Variants in CNTN5 observed in about 807,000 individuals in gnomAD.
CNTN5 encodes contactin 5.
In CNTN5, 77 loss-of-function variants were observed where a neutral mutation model predicts 129.1. That is an observed-to-expected ratio of 0.60 (90% CI 0.50 to 0.72). The LOEUF (loss-of-function observed/expected upper bound fraction) is 0.72. CNTN5 is among the 30% of genes least tolerant of loss of function. The probability of loss-of-function intolerance (pLI) is 0.00; values close to 1 mark genes in which losing one functional copy is unlikely to be tolerated. For synonymous variants in CNTN5, 509 were observed against 465.6 expected (o/e 1.09, Z -1.20); for missense variants, 1,478 against 1,328.8 (o/e 1.11, Z -1.75).
At chr11:100,276,887 C>A (rs1465573399) in intron 18 of CNTN5, among the ~76,000 whole-genome samples, 1 of 151,804 alleles carries the variant, frequency 6.6e-6, no homozygotes, top group Non-Finnish European at 1.5e-5. Flanking sequence ...CCCTGTTATG[C>A]TAGCAAATAC....
intron 6 of CNTN5, among the ~76,000 whole-genome samples, chr11:99,915,048 C>G (rs954883245): frequency 2.0e-4 from 31 of 152,038 alleles, no homozygotes; most frequent in African/African-American, 6.7e-4. Flanking sequence ...TTTTAAAAAT[C>G]TATTTTACAA....
chr11:100,295,005 C>T (rs994410041), intron 18 of CNTN5, among the ~76,000 whole-genome samples: 3 of 151,570 alleles, frequency 2.0e-5, no homozygotes, highest in Admixed American at 1.3e-4. Context: ...CAAAACACTG[C>T]GTGAGCTGCA....
chr11:99,680,515 C>T (rs1953502492), intron 3 of CNTN5, among the ~76,000 whole-genome samples: 2 of 152,108 alleles, frequency 1.3e-5, no homozygotes, highest in Admixed American at 1.3e-4. Flanking sequence ...TATTTTAAGC[C>T]CACTGTCGAG....
chr11:99,878,329 T>C (rs1948686306), intron 6 of CNTN5, among the ~76,000 whole-genome samples: 1 of 152,192 alleles, frequency 6.6e-6, no homozygotes, highest in South Asian at 2.1e-4. Context: ...GATATATAAG[T>C]TGACTTTACT....
chr11:99,816,886 T>C (rs969459659), intron 3 of CNTN5, among the ~76,000 whole-genome samples: 3 of 152,156 alleles, frequency 2.0e-5, no homozygotes, highest in African/African-American at 4.8e-5. Context: ...TCAAGGTTTT[T>C]ATATATTTTC....
intron 13 of CNTN5, among the ~76,000 whole-genome samples, chr11:100,178,603 A>G (rs1185685657): frequency 6.6e-6 from 1 of 152,222 alleles, no homozygotes; most frequent in African/African-American, 2.4e-5. Flanking sequence ...TACACTAAGC[A>G]TTAATGCTAT....
chr11:99,688,327 G>A (rs1046481848), intron 3 of CNTN5, among the ~76,000 whole-genome samples: 26 of 152,060 alleles, frequency 1.7e-4, no homozygotes, highest in Non-Finnish European at 1.3e-4. Flanking sequence ...CAGGTGTGAA[G>A]CCATCATGCC....
intron 8 of CNTN5, among the ~76,000 whole-genome samples, chr11:99,988,658 C>T (rs1426887058): frequency 6.6e-6 from 1 of 152,154 alleles, no homozygotes; most frequent in Non-Finnish European, 1.5e-5. Context: ...TTTGTGGGGA[C>T]TAAGACAGGA....
chr11:99,227,156 C>G (rs61893093), intron 1 of CNTN5, among the ~76,000 whole-genome samples: 14,704 of 151,824 alleles, frequency 0.097, 1,547 homozygotes, highest in East Asian at 0.46. Flanking sequence ...GTCAGGAGAT[C>G]AAGGCCATCC....
intron 1 of CNTN5, among the ~76,000 whole-genome samples, chr11:99,176,151 T>C (rs1169229461): frequency 6.6e-6 from 1 of 152,226 alleles, no homozygotes; most frequent in East Asian, 1.9e-4. Flanking sequence ...CTGTTTTCCA[T>C]TCATTTTTTG....
intron 1 of CNTN5, among the ~76,000 whole-genome samples, chr11:99,115,993 C>T (rs758543219): frequency 2.6e-5 from 4 of 152,064 alleles, no homozygotes; most frequent in Non-Finnish European, 5.9e-5. Flanking sequence ...TGAAAATGAT[C>T]TATTTTGAGA....
chr11:99,708,182 C>T (rs1309044470), intron 3 of CNTN5, among the ~76,000 whole-genome samples: 1 of 151,610 alleles, frequency 6.6e-6, no homozygotes, highest in Non-Finnish European at 1.5e-5. Context: ...ATTTTTCCTC[C>T]TATGGGAAAT....
chr11:99,951,073 A>ACAGATGAG (rs140701266), intron 7 of CNTN5, among the ~76,000 whole-genome samples: 2,044 of 152,202 alleles, frequency 0.013, 45 homozygotes, highest in African/African-American at 0.046. Flanking sequence ...GTTTTAGTTT[A>ACAGATGAG]CAGATGAGAA....
chr11:100,312,363 T>C (rs912459727), intron 21 of CNTN5, among the ~76,000 whole-genome samples: 2 of 152,064 alleles, frequency 1.3e-5, no homozygotes, highest in African/African-American at 4.8e-5. Context: ...CTCTCTTTTC[T>C]GTATTCTTTT....
intron 3 of CNTN5, among the ~76,000 whole-genome samples, chr11:99,739,812 C>T (rs10466615): frequency 0.15 from 23,341 of 152,016 alleles, 1,860 homozygotes; most frequent in Middle Eastern, 0.17. Context: ...ATACAGTATG[C>T]ACTGAAAATA....
chr11:99,401,901 T>C (rs1941831575), intron 2 of CNTN5, among the ~76,000 whole-genome samples: 1 of 152,188 alleles, frequency 6.6e-6, no homozygotes, highest in South Asian at 2.1e-4. Flanking sequence ...ATTCTATTGA[T>C]TTTTGTATAT....
chr11:99,168,704 A>G (rs1861005867), intron 1 of CNTN5, among the ~76,000 whole-genome samples: 1 of 152,260 alleles, frequency 6.6e-6, no homozygotes, highest in Admixed American at 6.5e-5. Context: ...GAATTATCAC[A>G]GACAACACAG....
intron 2 of CNTN5, among the ~76,000 whole-genome samples, chr11:99,501,953 A>G (rs1946441910): frequency 6.6e-6 from 1 of 152,210 alleles, no homozygotes; most frequent in African/African-American, 2.4e-5. Context: ...CATCATAATC[A>G]GGTCATCAAC....
intron 9 of CNTN5, among the ~76,000 whole-genome samples, chr11:100,048,975 C>CA (rs1276998241): frequency 2.0e-5 from 3 of 151,886 alleles, no homozygotes; most frequent in African/African-American, 7.3e-5. Flanking sequence ...AAATATTCTT[C>CA]AAAAAATTAA....
Sources: allele counts gnomAD v4.1 joint callset (sites outside exome capture counted in the v4.1 genomes callset), GRCh38; gene constraint gnomAD v4.1.1; transcripts MANE v1.5; gene names NCBI Gene and HGNC (gene_info 2026-07-23, HGNC 2026-07-21).